SUDS3: variants seen among roughly 807,000 people sequenced by gnomAD.
SUDS3 encodes SIN3A corepressor complex component SDS3.
SUDS3 carries 23 observed loss-of-function variants against 53.5 expected under a neutral mutation model. The ratio of observed to expected loss-of-function variants is 0.43; its 90% CI spans 0.31 to 0.61. The LOEUF is 0.61. SUDS3 is among the 20% of genes least tolerant of loss of function. SUDS3 has a pLI of 0.10. For missense variants in SUDS3, 291 were observed against 405.9 expected, an observed-to-expected ratio of 0.72 and a Z score of 2.43; for synonymous variants, 150 against 148.5, an observed-to-expected ratio of 1.01 and a Z score of -0.08.
At chr12:118,408,757 C>T (rs2046331787) in intron 10 of SUDS3, among the ~76,000 whole-genome samples, 1 of 152,050 alleles carries the variant, frequency 6.6e-6, no homozygotes, top group Admixed American at 6.5e-5. Context: ...TACACCACAT[C>T]CATGACCTTT....
At chr12:118,414,206 A>G (rs1038128814) in intron 11 of SUDS3, 129 bp from the exon 12 acceptor site, 14 of 685,890 alleles carry the variant, frequency 2.0e-5, no homozygotes, top group Non-Finnish European at 3.3e-5. Context: ...ACAAGTTGAG[A>G]CAGTTTATTC....
At chr12:118,393,940 G>A (rs2046191048) in intron 6 of SUDS3, among the ~76,000 whole-genome samples, 1 of 152,030 alleles carries the variant, frequency 6.6e-6, no homozygotes, top group South Asian at 2.1e-4. Flanking sequence ...CAAAGTGCTG[G>A]GATTGTAGGT....
intron 5 of SUDS3, 51 bp downstream of exon 5, chr12:118,389,997 C>A: frequency 6.2e-7 from 1 of 1,607,962 alleles, no homozygotes; most frequent in South Asian, 1.1e-5. Context: ...AGACTGGAAT[C>A]TTGCAGTCCT....
chr12:118,396,874 C>T (rs1163295529), intron 6 of SUDS3, among the ~76,000 whole-genome samples: 1 of 152,092 alleles, frequency 6.6e-6, no homozygotes, highest in Non-Finnish European at 1.5e-5. Flanking sequence ...TTTTAGATGT[C>T]GGAATCTGTG....
chr12:118,381,487 A>G (rs1395476448), intron 2 of SUDS3, among the ~76,000 whole-genome samples: 9 of 152,092 alleles, frequency 5.9e-5, no homozygotes, highest in South Asian at 2.1e-4. Flanking sequence ...GGCTCAAGCA[A>G]TTCTCCTGCC....
chr12:118,394,058 A>G (rs1268369829), intron 6 of SUDS3, among the ~76,000 whole-genome samples: 3 of 152,182 alleles, frequency 2.0e-5, no homozygotes, highest in Non-Finnish European at 4.4e-5. Flanking sequence ...CAATGTCAAA[A>G]TAGAAGTCTG....
chr12:118,382,240 G>T (rs987039278), intron 2 of SUDS3, among the ~76,000 whole-genome samples: 1 of 151,932 alleles, frequency 6.6e-6, no homozygotes. Flanking sequence ...TAGAGACGGG[G>T]TTTCACCATG....
At chr12:118,387,556 TC>T (rs2046126289) in intron 4 of SUDS3, among the ~76,000 whole-genome samples, 1 of 151,882 alleles carries the variant, frequency 6.6e-6, no homozygotes, top group Middle Eastern at 3.4e-3. Context: ...CCTCATGTGT[TC>T]TTTTTTTTTT....
chr12:118,389,673 G>T (rs2046147784), intron 4 of SUDS3, among the ~76,000 whole-genome samples: 1 of 152,150 alleles, frequency 6.6e-6, no homozygotes. Flanking sequence ...CTGCCACCAT[G>T]CCTGGCTAAT....
intron 6 of SUDS3, among the ~76,000 whole-genome samples, chr12:118,396,225 C>G (rs184552242): frequency 2.0e-5 from 3 of 152,256 alleles, no homozygotes; most frequent in African/African-American, 7.2e-5. Flanking sequence ...TATCCCATTT[C>G]TTTTTAAAGA....
At chr12:118,401,059 G>A (rs556037908) in intron 7 of SUDS3, among the ~76,000 whole-genome samples, 1 of 152,282 alleles carries the variant, frequency 6.6e-6, no homozygotes, top group Admixed American at 6.5e-5. Context: ...AAAACTTGAT[G>A]TGCCTTAATT....
chr12:118,411,169 A>G lies in SUDS3; in HGVS notation c.888+12A>G, dbSNP rs2046356078. On this transcript the variant is annotated intron_variant, in intron 11 of 11. Transcript: ENST00000543473. ...TAGGAGCCAATGAGGTGGGAACCAC[A>G]CTCCCTCACCTTTAGGGAAGCAAAA... The G allele has an allele frequency of 1.3e-6, 2 of 1,580,818 alleles. No homozygotes were observed. Among genetic ancestry groups the G allele is most frequent in the Non-Finnish European group, 1.7e-6 (2 of 1,162,922 alleles).
intron 1 of SUDS3, among the ~76,000 whole-genome samples, chr12:118,379,454 A>G (rs140694059): frequency 9.2e-5 from 14 of 152,146 alleles, no homozygotes; most frequent in Non-Finnish European, 1.9e-4. Context: ...AGAAAAGTAT[A>G]CTGGAAGATG....
intron 11 of SUDS3, 45 bp downstream of exon 11, chr12:118,411,202 T>TGCGAAGTGG: frequency 6.5e-7 from 1 of 1,530,858 alleles, no homozygotes; most frequent in South Asian, 1.2e-5. Context: ...AAATGTGTAC[T>TGCGAAGTGG]GCGAAGTGTT....
rs2046042962 is a variant in SUDS3 at position 118,380,147 on chromosome 12, C to T, written c.143-15C>T. 1 of 1,599,334 alleles carries T rather than the reference C, an allele frequency of 6.3e-7. No individual in the cohort carries two copies. The highest frequency in any genetic ancestry group is 1.1e-5 in the South Asian group (1 of 88,350). ...TTATGATTTTAACTAGCCCCTATTT[C>T]CTAACTTTATTCAGACACTGAGGAT... On this transcript the variant is annotated splice_polypyrimidine_tract_variant and intron_variant, in intron 1 of 11. Transcript: ENST00000543473.
intron 10 of SUDS3, among the ~76,000 whole-genome samples, chr12:118,410,750 C>T (rs1404721262): frequency 6.6e-6 from 1 of 151,996 alleles, no homozygotes; most frequent in Non-Finnish European, 1.5e-5. Context: ...GCACCTGCCA[C>T]CATGCCCGGC....
intron 9 of SUDS3, 150 bp downstream of exon 9, chr12:118,402,154 C>T: frequency 1.3e-6 from 1 of 741,722 alleles, no homozygotes. Flanking sequence ...TGAAGGGGAC[C>T]TTAACTATAC....
intron 9 of SUDS3, among the ~76,000 whole-genome samples, chr12:118,402,800 C>T (rs1208427260): frequency 1.1e-4 from 16 of 149,298 alleles, no homozygotes; most frequent in African/African-American, 3.7e-4. Flanking sequence ...CTTGCTCTGT[C>T]GCCAGGCTGG....
chr12:118,403,059 A>T (rs1408114464), intron 9 of SUDS3, among the ~76,000 whole-genome samples: 1 of 152,178 alleles, frequency 6.6e-6, no homozygotes, highest in Non-Finnish European at 1.5e-5. Context: ...CACCCTGCTG[A>T]AAACGATTGC....
Sources: gnomAD v4.1 joint callset for allele counts (sites outside exome capture counted in the v4.1 genomes callset) on GRCh38, gnomAD v4.1.1 for gene constraint, MANE v1.5 for transcripts, NCBI Gene and HGNC (gene_info 2026-07-23, HGNC 2026-07-21) for gene names.